The following UBAC2 variants were observed in gnomAD, a reference collection of about 807,000 sequenced individuals.
UBAC2 encodes ubiquitin-associated domain-containing protein 2.
A neutral mutation model predicts 44.0 loss-of-function variants in UBAC2; 26 were observed. The ratio of observed to expected loss-of-function variants is 0.59; its 90% CI spans 0.43 to 0.82. The LOEUF (loss-of-function observed/expected upper bound fraction) is 0.82. UBAC2 is among the 40% of genes least tolerant of loss of function. The pLI is 0.00. For synonymous variants in UBAC2, 155 were observed against 154.3 expected, an observed-to-expected ratio of 1.00 and a Z score of -0.04; for missense variants, 329 against 419.4, an observed-to-expected ratio of 0.78 and a Z score of 1.88.
At chr13:99,234,075 C>T (rs2043206204) in intron 1 of UBAC2, among the ~76,000 whole-genome samples, 1 of 151,166 alleles carries the variant, frequency 6.6e-6, no homozygotes, top group African/African-American at 2.4e-5. Flanking sequence ...GTAATTATTT[C>T]CAAGGAAAGC....
At chr13:99,243,475 A>G (rs749216581) in intron 2 of UBAC2, among the ~76,000 whole-genome samples, 1 of 152,254 alleles carries the variant, frequency 6.6e-6, no homozygotes, top group South Asian at 2.1e-4. Context: ...CTTATTCAAT[A>G]ACATAAAAAT....
At chr13:99,289,094 A>G (rs923950800) in intron 4 of UBAC2, among the ~76,000 whole-genome samples, 2 of 152,244 alleles carry the variant, frequency 1.3e-5, no homozygotes, top group South Asian at 4.1e-4. Flanking sequence ...AAGTCTAGAA[A>G]GGCTCAAAGA....
At chr13:99,344,887 C>T (rs572035751) in intron 7 of UBAC2, among the ~76,000 whole-genome samples, 4 of 152,276 alleles carry the variant, frequency 2.6e-5, no homozygotes, top group South Asian at 4.1e-4. Flanking sequence ...CCTTTCCCTC[C>T]GTGAGTTTGT....
At chr13:99,277,027 C>CTTAGTA (rs2043892652) in intron 4 of UBAC2, among the ~76,000 whole-genome samples, 1 of 152,130 alleles carries the variant, frequency 6.6e-6, no homozygotes, top group African/African-American at 2.4e-5. Flanking sequence ...CCACTGGTGG[C>CTTAGTA]TTAGTATTTG....
intron 7 of UBAC2, among the ~76,000 whole-genome samples, chr13:99,350,234 C>G (rs1156292750): frequency 6.6e-6 from 1 of 152,108 alleles, no homozygotes; most frequent in East Asian, 1.9e-4. Context: ...TATACTGAAA[C>G]AGTTGTGCCT....
chr13:99,269,865 CTAAAA>C (rs1019966656), intron 4 of UBAC2, among the ~76,000 whole-genome samples: 2 of 152,066 alleles, frequency 1.3e-5, no homozygotes, highest in African/African-American at 4.8e-5. Context: ...TTTAACTCCT[CTAAAA>C]TAAGTTATTA....
intron 6 of UBAC2, among the ~76,000 whole-genome samples, chr13:99,338,071 T>TA (rs1566509614): frequency 5.7e-5 from 6 of 105,130 alleles, no homozygotes; most frequent in Admixed American, 1.1e-4. Context: ...TTTTTTTTTT[T>TA]TTTTGAGACA....
intron 1 of UBAC2, among the ~76,000 whole-genome samples, chr13:99,216,834 C>CTTTTTTCT (rs1555319441): frequency 3.6e-5 from 5 of 140,624 alleles, no homozygotes; most frequent in African/African-American, 1.3e-4. Context: ...TTTCTTTTTT[C>CTTTTTTCT]TTTTTTTTTT....
chr13:99,374,502 A>G (rs10508037), intron 8 of UBAC2, among the ~76,000 whole-genome samples: 1 of 152,072 alleles, frequency 6.6e-6, no homozygotes, highest in Admixed American at 6.6e-5. Context: ...TAGCCCAAGT[A>G]GAGAGAATGG....
chr13:99,251,345 A>G (rs934084518), intron 4 of UBAC2, among the ~76,000 whole-genome samples: 2 of 152,172 alleles, frequency 1.3e-5, no homozygotes, highest in South Asian at 2.1e-4. Flanking sequence ...GGGCTTTCCT[A>G]TTTGAATACC....
intron 6 of UBAC2, among the ~76,000 whole-genome samples, chr13:99,325,925 TTCA>T (rs1394069437): frequency 6.6e-6 from 1 of 152,222 alleles, no homozygotes; most frequent in Admixed American, 6.5e-5. Flanking sequence ...CCACATTTTC[TTCA>T]TCCCTTTGTC....
chr13:99,306,047 CACCGTGCCTGGCTAACTTTTATATTT>C (rs1397862059), intron 4 of UBAC2, among the ~76,000 whole-genome samples: 2 of 152,090 alleles, frequency 1.3e-5, no homozygotes, highest in Non-Finnish European at 2.9e-5. Context: ...AGGTGAGTGC[CACCGTGCCTGGCTAACTTTTATATTT>C]TTAGTAGAGA....
At chr13:99,205,131 T>A (rs1465178049) in intron 1 of UBAC2, among the ~76,000 whole-genome samples, 2 of 152,216 alleles carry the variant, frequency 1.3e-5, no homozygotes, top group Non-Finnish European at 2.9e-5. Context: ...CTTGATCTCC[T>A]GACCTCGTGA....
intron 1 of UBAC2, among the ~76,000 whole-genome samples, chr13:99,208,751 G>A (rs938214232): frequency 1.3e-5 from 2 of 152,188 alleles, no homozygotes; most frequent in Admixed American, 1.3e-4. Context: ...AGGAAGGAGA[G>A]GTGAGGCTCT....
intron 8 of UBAC2, among the ~76,000 whole-genome samples, chr13:99,384,682 C>T (rs1052461194): frequency 6.6e-6 from 1 of 152,202 alleles, no homozygotes; most frequent in Non-Finnish European, 1.5e-5. Context: ...GCAGTGACGC[C>T]AGGAGTGCGA....
chr13:99,232,781 C>T (rs958543686), intron 1 of UBAC2, among the ~76,000 whole-genome samples: 5 of 151,398 alleles, frequency 3.3e-5, no homozygotes, highest in African/African-American at 7.3e-5. Context: ...ACAAAAACAA[C>T]GAAAAAAAAA....
intron 1 of UBAC2, among the ~76,000 whole-genome samples, chr13:99,201,899 G>A (rs192269669): frequency 1.3e-5 from 2 of 152,028 alleles, no homozygotes; most frequent in East Asian, 3.9e-4. Flanking sequence ...GTGAAACCCC[G>A]TCTCTCTACT....
intron 4 of UBAC2, among the ~76,000 whole-genome samples, chr13:99,297,979 A>G (rs1333830212): frequency 6.6e-6 from 1 of 152,158 alleles, no homozygotes; most frequent in Non-Finnish European, 1.5e-5. Flanking sequence ...GGCAAATTCA[A>G]TATTAATAGG....
intron 4 of UBAC2, 50 bp downstream of exon 4, chr13:99,244,674 T>C (rs2043360156): frequency 9.1e-7 from 1 of 1,093,426 alleles, no homozygotes; most frequent in Admixed American, 2.0e-5. Context: ...TGAATCTGAT[T>C]TAAAGTGTTA....
Sources: allele counts gnomAD v4.1 joint callset (sites outside exome capture counted in the v4.1 genomes callset), GRCh38; gene constraint gnomAD v4.1.1; transcripts MANE v1.5; gene names NCBI Gene and HGNC (gene_info 2026-07-23, HGNC 2026-07-21).